Variants in KBTBD12 observed in about 807,000 individuals in gnomAD.
KBTBD12 encodes kelch repeat and BTB domain-containing protein 12.
KBTBD12 carries 53 observed loss-of-function variants against 58.7 expected under a neutral mutation model. That is an observed-to-expected ratio of 0.90 (90% CI 0.72 to 1.14). The LOEUF (loss-of-function observed/expected upper bound fraction) is 1.14, where lower values mean the gene tolerates loss of function less well. Ranked by LOEUF, KBTBD12 falls within the 50% of genes most tolerant of loss-of-function variation. KBTBD12 has a pLI of 0.00. For missense variants in KBTBD12, 704 were observed against 751.3 expected (o/e 0.94, Z 0.74); for synonymous variants, 236 against 259.8 (o/e 0.91, Z 0.88).
At chr3:127,962,166 C>T (rs528282577) in intron 4 of KBTBD12, among the ~76,000 whole-genome samples, 1 of 152,188 alleles carries the variant, frequency 6.6e-6, no homozygotes, top group Admixed American at 6.5e-5. Context: ...CGATGAGAGG[C>T]GTGTCTGCAA....
At chr3:127,951,959 G>A (rs1364692619) in intron 4 of KBTBD12, among the ~76,000 whole-genome samples, 1 of 152,094 alleles carries the variant, frequency 6.6e-6, no homozygotes, top group Non-Finnish European at 1.5e-5. Context: ...CTGTCTTCCT[G>A]GCTTTGTTGG....
At chr3:127,924,623 GA>G (rs1273366537) in intron 2 of KBTBD12, among the ~76,000 whole-genome samples, 36 of 151,856 alleles carry the variant, frequency 2.4e-4, no homozygotes, top group Admixed American at 1.7e-3. Context: ...AGACTCCTTT[GA>G]ATTTTTTTTT....
intron 5 of KBTBD12, among the ~76,000 whole-genome samples, chr3:127,983,792 C>T (rs1185666084): frequency 2.0e-5 from 3 of 152,034 alleles, no homozygotes; most frequent in African/African-American, 7.2e-5. Context: ...CTCTCTTTTA[C>T]TCCTTCCCTG....
chr3:127,970,076 C>T (rs1029347669), intron 5 of KBTBD12, among the ~76,000 whole-genome samples: 12 of 152,076 alleles, frequency 7.9e-5, no homozygotes, highest in African/African-American at 2.9e-4. Context: ...ATCTAAAATA[C>T]ATTAAGAAAT....
intron 4 of KBTBD12, among the ~76,000 whole-genome samples, chr3:127,962,596 A>G (rs1344268946): frequency 1.3e-5 from 2 of 152,226 alleles, no homozygotes; most frequent in Non-Finnish European, 2.9e-5. Flanking sequence ...CCTTACATAT[A>G]ATAGGCACTT....
intron 4 of KBTBD12, among the ~76,000 whole-genome samples, chr3:127,955,862 T>C (rs1339461108): frequency 6.6e-6 from 1 of 152,252 alleles, no homozygotes; most frequent in Non-Finnish European, 1.5e-5. Context: ...CATCATTGTG[T>C]ACTTGAATAT....
intron 4 of KBTBD12, among the ~76,000 whole-genome samples, chr3:127,958,320 G>A (rs1302424703): frequency 6.6e-6 from 1 of 152,096 alleles, no homozygotes; most frequent in Admixed American, 6.5e-5. Flanking sequence ...GCATCTATGG[G>A]CCATCCCCTA....
rs1257874065 is a variant in KBTBD12, at chr3:127,963,358, C to T, written c.1662C>T (p.Leu554=). 2 of 1,611,780 alleles carry T rather than the reference C, an allele frequency of 1.2e-6. No individual in the cohort carries two copies. The highest frequency in any genetic ancestry group is 1.7e-6 in the Non-Finnish European group (2 of 1,179,038). Residue 554 remains leucine (L), a synonymous_variant, in exon 5 of 6, where the codon CTC becomes CTT. Coordinates refer to ENST00000405109, the MANE Select transcript of KBTBD12 (RefSeq NM_207335.4). ...ATGCAGGGGCAGTGGATGGGAAACT[C>T]TATGTCTGCGGGGGATTCCATGGAG... ...STNAGAVDGK[L]YVCGGFHGAD...
intron 4 of KBTBD12, among the ~76,000 whole-genome samples, chr3:127,937,707 G>A (rs893273128): frequency 1.3e-5 from 2 of 152,044 alleles, no homozygotes; most frequent in Non-Finnish European, 2.9e-5. Flanking sequence ...AGCAAAAATA[G>A]TGAATGCCAA....
chr3:127,986,485 C>A lies in KBTBD12; in HGVS notation c.*2207C>A, dbSNP rs933699480. 4 of 138,138 alleles carry A rather than the reference C, an allele frequency of 2.9e-5. No homozygotes were observed. Among genetic ancestry groups the A allele is most frequent in the Non-Finnish European group, 6.3e-5 (4 of 63,530 alleles). The allele number at this position is 138,138 out of a possible 1,614,324, so 8.6% of individuals were successfully genotyped here. ...TGCATATGGCTTGTGACGGTTCTTT[C>A]TTTTTTTTTTTTTTTTTGAGACGGA... On this transcript the variant is annotated 3_prime_UTR_variant, in exon 6 of 6. Transcript: ENST00000405109.
rs1209597713 is a variant in KBTBD12 at position 127,987,582 on chromosome 3, C to T, written c.*3304C>T. The T allele has an allele frequency of 6.6e-6, 1 of 152,248 alleles. No homozygotes were observed. Among genetic ancestry groups the T allele is most frequent in the African/African-American group, 2.4e-5 (1 of 41,458 alleles). The allele number at this position is 152,248 out of a possible 1,614,324, so 9.4% of individuals were successfully genotyped here. A position where few individuals can be genotyped will look rare whatever the true frequency, so the allele number is the denominator to read the frequency against. On this transcript the variant is annotated 3_prime_UTR_variant, in exon 6 of 6. Coordinates refer to ENST00000405109, the MANE Select transcript of KBTBD12 (RefSeq NM_207335.4). ...CAACCACAGCCTGCCCCAGTGTGTT[C>T]AACACGGTGGCATTGTTCTCCCTGA... is the stretch of plus-strand genomic sequence containing the variant.
chr3:127,922,636 T>C lies in KBTBD12; in HGVS notation c.-112-314T>C, dbSNP rs554231597. 4.7e-4 allele frequency among the ~76,000 whole-genome samples: 71 copies of C among 152,172 alleles called. 1 individual carries two copies. Among genetic ancestry groups the C allele is most frequent in the Non-Finnish European group, 8.7e-4 (59 of 67,998 alleles). Reference sequence around the variant, plus strand: ...ATACCCTCTGCCTGCAGGTCAGCTGTATTTGGTAACTGGAAATGGAATTGC... The same window carrying C: ...ATACCCTCTGCCTGCAGGTCAGCTGCATTTGGTAACTGGAAATGGAATTGC... On this transcript the variant is annotated intron_variant, in intron 1 of 5. Coordinates refer to ENST00000405109, the MANE Select transcript of KBTBD12 (RefSeq NM_207335.4).
At chr3:127,915,903 A>G (rs1576365599) in intron 1 of KBTBD12, among the ~76,000 whole-genome samples, 1 of 152,244 alleles carries the variant, frequency 6.6e-6, no homozygotes, top group East Asian at 1.9e-4. Flanking sequence ...CTGTAAGCAC[A>G]ACAAAGGTAA....
chr3:127,975,949 T>C (rs1416422511), intron 5 of KBTBD12, among the ~76,000 whole-genome samples: 1 of 152,228 alleles, frequency 6.6e-6, no homozygotes, highest in Non-Finnish European at 1.5e-5. Flanking sequence ...ATTTTAAACT[T>C]ACAGAAAAGT....
At chr3:127,949,683 ACC>A in intron 4 of KBTBD12, among the ~76,000 whole-genome samples, 1 of 152,278 alleles carries the variant, frequency 6.6e-6, no homozygotes, top group East Asian at 1.9e-4. Context: ...GCTCTGTAAG[ACC>A]CTGTCACAAA....
At position 127,977,420 on chromosome 3, in the gene KBTBD12, C is replaced by T. The variant is rs553050797; in HGVS notation, c.1691-6677C>T. Among the ~76,000 whole-genome samples the T allele has an allele frequency of 7.2e-5, 11 of 152,340 alleles. No homozygotes were observed. In the East Asian group the frequency reaches 1.9e-3, roughly 27 times the overall value. On this transcript the variant is annotated intron_variant, in intron 5 of 5. Coordinates refer to ENST00000405109, the MANE Select transcript of KBTBD12 (RefSeq NM_207335.4). Reference sequence around the variant, plus strand: ...TTTGAGAAAGTGCCAAACTGCTTTCCACAATGGCTGAACTAGTTTATATTC... The same window carrying T: ...TTTGAGAAAGTGCCAAACTGCTTTCTACAATGGCTGAACTAGTTTATATTC...
intron 3 of KBTBD12, among the ~76,000 whole-genome samples, chr3:127,929,376 C>T (rs1429877838): frequency 1.3e-5 from 2 of 152,108 alleles, no homozygotes; most frequent in Non-Finnish European, 2.9e-5. Flanking sequence ...TTGTTGAACA[C>T]TTGTATCCCA....
intron 4 of KBTBD12, among the ~76,000 whole-genome samples, chr3:127,936,374 GA>G (rs35158488): frequency 0.012 from 1,619 of 138,616 alleles, 22 homozygotes; most frequent in South Asian, 0.062. Flanking sequence ...CAGGAGTACA[GA>G]AAAAAAAAAA....
intron 4 of KBTBD12, among the ~76,000 whole-genome samples, chr3:127,956,639 A>G (rs1237406821): frequency 6.6e-6 from 1 of 152,208 alleles, no homozygotes; most frequent in African/African-American, 2.4e-5. Flanking sequence ...GACAGTACTC[A>G]TGTTACTGCG....
Sources: allele counts gnomAD v4.1 joint callset (sites outside exome capture counted in the v4.1 genomes callset), GRCh38; gene constraint gnomAD v4.1.1; transcripts MANE v1.5; gene names NCBI Gene and HGNC (gene_info 2026-07-23, HGNC 2026-07-21).